Variants in EML1 observed in about 807,000 individuals in gnomAD.
EML1 encodes echinoderm microtubule-associated protein-like 1.
EML1 carries 27 observed loss-of-function variants against 110.4 expected under a neutral mutation model. The observed-to-expected ratio is 0.24, with a 90% CI of 0.18 to 0.34. The LOEUF is 0.34. Among genes scored for constraint, EML1 ranks in the 10% least tolerant of loss-of-function variants. The probability of loss-of-function intolerance (pLI) is 1.00; values close to 1 mark genes in which losing one functional copy is unlikely to be tolerated. For synonymous variants in EML1, 344 were observed against 385.8 expected (o/e 0.89, Z 1.27); for missense variants, 741 against 1,030.9 (o/e 0.72, Z 3.85).
intron 1 of EML1, among the ~76,000 whole-genome samples, chr14:99,816,159 A>ATATTT (rs2058163660): frequency 6.6e-6 from 1 of 152,040 alleles, no homozygotes; most frequent in Non-Finnish European, 1.5e-5. Flanking sequence ...ACTTTCACTC[A>ATATTT]TATTTGACTT....
At chr14:99,885,435 TG>T (rs951011288) in intron 4 of EML1, among the ~76,000 whole-genome samples, 2 of 152,236 alleles carry the variant, frequency 1.3e-5, no homozygotes, top group African/African-American at 4.8e-5. Context: ...ATTATAATTT[TG>T]TGGGACCACA....
intron 7 of EML1, among the ~76,000 whole-genome samples, chr14:99,897,580 C>A (rs1454368220): frequency 6.6e-6 from 1 of 152,028 alleles, no homozygotes; most frequent in African/African-American, 2.4e-5. Context: ...CTCCGTGAGA[C>A]CCCTCTCATG....
At chr14:99,846,173 G>A (rs868503902) in intron 1 of EML1, among the ~76,000 whole-genome samples, 23 of 151,908 alleles carry the variant, frequency 1.5e-4, no homozygotes, top group African/African-American at 4.1e-4. Flanking sequence ...AATGTCAGAG[G>A]CCACTTATTA....
intron 1 of EML1, among the ~76,000 whole-genome samples, chr14:99,745,193 G>A (rs969514765): frequency 2.0e-5 from 3 of 152,100 alleles, no homozygotes; most frequent in Non-Finnish European, 4.4e-5. Context: ...AGCCTCCCAA[G>A]TAGCTGGGAC....
At chr14:99,775,394 A>G (rs1474808597) in intron 1 of EML1, among the ~76,000 whole-genome samples, 1 of 152,228 alleles carries the variant, frequency 6.6e-6, no homozygotes, top group Non-Finnish European at 1.5e-5. Flanking sequence ...GAACAGTGGC[A>G]TTTGAGATGA....
At chr14:99,875,750 T>G (rs1468584680) in intron 3 of EML1, among the ~76,000 whole-genome samples, 1 of 152,204 alleles carries the variant, frequency 6.6e-6, no homozygotes, top group Non-Finnish European at 1.5e-5. Flanking sequence ...GCTTGGTGTT[T>G]GTCGTCATGG....
chr14:99,934,552 G>A (rs891699528), intron 17 of EML1, among the ~76,000 whole-genome samples: 5 of 152,218 alleles, frequency 3.3e-5, no homozygotes, highest in Admixed American at 2.6e-4. Flanking sequence ...TGCTTTACGC[G>A]CCTGTGAGCG....
At chr14:99,743,882 A>G (rs2057073786) in intron 1 of EML1, among the ~76,000 whole-genome samples, 1 of 152,052 alleles carries the variant, frequency 6.6e-6, no homozygotes, top group Admixed American at 6.6e-5. Context: ...TTTTTTATTT[A>G]TCATGTTTTT....
At chr14:99,765,828 C>A (rs1469612830) in intron 1 of EML1, among the ~76,000 whole-genome samples, 1 of 151,960 alleles carries the variant, frequency 6.6e-6, no homozygotes, top group African/African-American at 2.4e-5. Context: ...TGCTCTTGAA[C>A]CCCCTGCCTC....
At chr14:99,908,040 C>G (rs547811233) in intron 10 of EML1, among the ~76,000 whole-genome samples, 2 of 152,366 alleles carry the variant, frequency 1.3e-5, no homozygotes, top group South Asian at 4.1e-4. Context: ...TGGCACACCC[C>G]GAGTGCCTGC....
At chr14:99,896,888 C>T (rs139854198) in intron 6 of EML1, among the ~76,000 whole-genome samples, 1 of 152,016 alleles carries the variant, frequency 6.6e-6, no homozygotes, top group African/African-American at 2.4e-5. Flanking sequence ...ATAATTGACT[C>T]AATAGCTTTC....
chr14:99,812,955 G>A (rs1439591533), intron 1 of EML1, among the ~76,000 whole-genome samples: 3 of 152,086 alleles, frequency 2.0e-5, no homozygotes, highest in African/African-American at 7.2e-5. Flanking sequence ...TAAACCAAAG[G>A]CTCTCTCATT....
intron 2 of EML1, among the ~76,000 whole-genome samples, chr14:99,851,784 C>G (rs562903380): frequency 6.6e-6 from 1 of 152,276 alleles, no homozygotes; most frequent in South Asian, 2.1e-4. Context: ...CGATCATATG[C>G]CACATTCAAA....
intron 1 of EML1, among the ~76,000 whole-genome samples, chr14:99,759,880 G>A (rs911773971): frequency 1.3e-5 from 2 of 152,032 alleles, no homozygotes; most frequent in Non-Finnish European, 2.9e-5. Context: ...TTGGGAGGCC[G>A]AGGTGGGTGG....
intron 1 of EML1, among the ~76,000 whole-genome samples, chr14:99,832,702 T>C (rs2058478943): frequency 6.6e-6 from 1 of 152,228 alleles, no homozygotes; most frequent in African/African-American, 2.4e-5. Flanking sequence ...TGCTTCGTTT[T>C]AAAATTGGGT....
In EML1 at chr14:99,939,944, G is replaced by T. The variant is rs764819605; in HGVS notation, c.2323-43G>T. ...AGCACTTTCCCATCCCAGATGGTTC[G>T]CCTTGTAGTAAAGGAAGCTTTCCCC... is the stretch of plus-strand genomic sequence containing the variant. On this transcript the variant is annotated intron_variant, in intron 21 of 21. Coordinates refer to ENST00000262233, the MANE Select transcript of EML1 (RefSeq NM_004434.3). The surrounding 1 kb of genome is among the most constrained non-coding windows in gnomAD (Gnocchi z 4.2). 3 of 1,488,444 alleles carry T rather than the reference G, an allele frequency of 2.0e-6. No individual in the cohort carries two copies. The highest frequency in any genetic ancestry group is 1.4e-5 in the African/African-American group (1 of 70,520). 92.2% of individuals were successfully genotyped at this position (1,488,444 alleles called of 1,614,324 possible). A position where few individuals can be genotyped will look rare whatever the true frequency, so the allele number is the denominator to read the frequency against.
At chr14:99,842,565 A>G (rs1353591850) in intron 1 of EML1, among the ~76,000 whole-genome samples, 1 of 152,208 alleles carries the variant, frequency 6.6e-6, no homozygotes, top group East Asian at 1.9e-4. Flanking sequence ...GGCTCTCCTA[A>G]GCAGATCTGA....
Position 99,910,673 on chromosome 14 carries a change from T to G in EML1, c.1339+332T>G, listed in dbSNP as rs138536777. Among the ~76,000 whole-genome samples, 115 of 152,324 alleles carry G rather than the reference T, an allele frequency of 7.5e-4. No homozygotes were observed. The East Asian group carries it at 0.018, about 23-fold the overall frequency. ...GACTACTTATAGGTCTGTAAAATATTTAAGTTACTATCCTGATTTATCTAG... is the reference window on the plus strand; with the variant it reads ...GACTACTTATAGGTCTGTAAAATATGTAAGTTACTATCCTGATTTATCTAG... On this transcript the variant is annotated intron_variant, in intron 12 of 21. Coordinates refer to ENST00000262233, the MANE Select transcript of EML1 (RefSeq NM_004434.3).
chr14:99,757,504 C>A (rs892644989), intron 1 of EML1, among the ~76,000 whole-genome samples: 1 of 152,132 alleles, frequency 6.6e-6, no homozygotes, highest in Admixed American at 6.6e-5. Context: ...GGCACAGACA[C>A]CCACGCATGT....
Sources: gnomAD v4.1 joint callset for allele counts (sites outside exome capture counted in the v4.1 genomes callset) on GRCh38, gnomAD v4.1.1 for gene constraint, Gnocchi (gnomAD v3.1) non-coding constraint, MANE v1.5 for transcripts, NCBI Gene and HGNC (gene_info 2026-07-23, HGNC 2026-07-21) for gene names.